Variants in HTR4 observed in about 807,000 individuals in gnomAD.
HTR4 encodes 5-hydroxytryptamine (serotonin) receptor 4, G protein-coupled.
A neutral mutation model predicts 36.8 loss-of-function variants in HTR4; 16 were observed. The observed-to-expected ratio is 0.43, with a 90% CI of 0.29 to 0.66. The LOEUF (loss-of-function observed/expected upper bound fraction) is 0.66. Ranked by LOEUF, HTR4 falls within the 30% of genes least tolerant of loss-of-function variation. HTR4 has a pLI of 0.13. For synonymous variants in HTR4, 189 were observed against 185.1 expected (o/e 1.02, Z -0.17); for missense variants, 438 against 490.9 (o/e 0.89, Z 1.02).
intron 2 of HTR4, among the ~76,000 whole-genome samples, chr5:148,585,557 A>G (rs2127252115): frequency 6.6e-6 from 1 of 152,298 alleles, no homozygotes; most frequent in South Asian, 2.1e-4. Context: ...TTTATCTTAT[A>G]GTGGGGGCAT....
At chr5:148,475,929 G>A (rs907631280), downstream of HTR4, among the ~76,000 whole-genome samples, 1 of 152,224 alleles carries the variant, frequency 6.6e-6, no homozygotes, top group Admixed American at 6.5e-5. Flanking sequence ...ACTTGCTTGT[G>A]TCACACATTC....
intron 2 of HTR4, chr5:148,628,456 G>C (rs1039220189): frequency 6.6e-6 from 1 of 152,174 alleles, no homozygotes; most frequent in South Asian, 2.1e-4. Context: ...ACAGTGATTT[G>C]ATATTTTCCT....
rs548825582 is a variant in HTR4, at chr5:148,576,798, G to A, written c.27-26536C>T. Among the ~76,000 whole-genome samples, 3 of 152,086 alleles carry A rather than the reference G, an allele frequency of 2.0e-5. No individual in the cohort carries two copies. The South Asian group carries it at 6.2e-4, about 32-fold the overall frequency. The stretch of plus-strand genomic sequence containing the variant: ...AAGATTGAAGCTGGACTGCTTTCTT[G>A]TACCACATACAAAAATCAGCTCAAG... On this transcript the variant is annotated intron_variant, in intron 2 of 6. Coordinates refer to ENST00000377888, the MANE Select transcript of HTR4 (RefSeq NM_000870.7).
At chr5:148,518,348 G>A (rs1011422032) in intron 5 of HTR4, among the ~76,000 whole-genome samples, 7 of 152,114 alleles carry the variant, frequency 4.6e-5, no homozygotes, top group African/African-American at 1.7e-4. Flanking sequence ...TGTACCCTAA[G>A]CGCCTGAATT....
In HTR4 at chr5:148,620,000, A is replaced by C. The variant is rs763594709; in HGVS notation, c.26+16989T>G. The stretch of plus-strand genomic sequence containing the variant: ...AAATAGCCAGGGTACAAGAACAGAC[A>C]ATAGACAAGCCGAGTTTGAGAAACT... On this transcript the variant is annotated intron_variant, in intron 2 of 6. Coordinates refer to ENST00000377888, the MANE Select transcript of HTR4 (RefSeq NM_000870.7). 2.6e-5 allele frequency among the ~76,000 whole-genome samples: 4 copies of C among 152,324 alleles called. No individual in the cohort carries two copies. The Middle Eastern group carries it at 0.01, about 389-fold the overall frequency.
At chr5:148,643,777 T>C (rs1338963171) in intron 1 of HTR4, among the ~76,000 whole-genome samples, 2 of 152,030 alleles carry the variant, frequency 1.3e-5, no homozygotes, top group African/African-American at 2.4e-5. Flanking sequence ...AACTGTGAGG[T>C]AGATCATTTC....
intron 2 of HTR4, among the ~76,000 whole-genome samples, chr5:148,630,970 T>C (rs1315099209): frequency 1.3e-5 from 2 of 152,172 alleles, no homozygotes; most frequent in Non-Finnish European, 2.9e-5. Flanking sequence ...GTAGTTGAAG[T>C]TCTGTTAGGA....
At chr5:148,536,653 A>G (rs919205594) in intron 4 of HTR4, among the ~76,000 whole-genome samples, 1 of 152,238 alleles carries the variant, frequency 6.6e-6, no homozygotes, top group Admixed American at 6.5e-5. Context: ...GAAGGGCATT[A>G]CATAATTGCA....
chr5:148,653,676 C>A (rs1754105367), intron 1 of HTR4, among the ~76,000 whole-genome samples: 1 of 152,088 alleles, frequency 6.6e-6, no homozygotes, highest in Non-Finnish European at 1.5e-5. Flanking sequence ...AGAGTCCACA[C>A]ACACATCCAG....
intron 5 of HTR4, among the ~76,000 whole-genome samples, chr5:148,469,562 C>T (rs1262234693): frequency 6.6e-6 from 1 of 152,188 alleles, no homozygotes; most frequent in Non-Finnish European, 1.5e-5. Flanking sequence ...GCCAGCTCTG[C>T]AGCATAAACA....
chr5:148,567,497 T>C (rs901903343), intron 2 of HTR4, among the ~76,000 whole-genome samples: 32 of 152,146 alleles, frequency 2.1e-4, no homozygotes, highest in African/African-American at 7.7e-4. Context: ...TCATGCAGAA[T>C]ATCCCAAGTT....
At chr5:148,649,256 G>C (rs1191065838) in intron 1 of HTR4, among the ~76,000 whole-genome samples, 1 of 149,140 alleles carries the variant, frequency 6.7e-6, no homozygotes, top group Non-Finnish European at 1.5e-5. Flanking sequence ...TTGCTTGGAT[G>C]GGGAATGTGT....
At chr5:148,556,561 A>G (rs987876364) in intron 2 of HTR4, among the ~76,000 whole-genome samples, 1 of 152,242 alleles carries the variant, frequency 6.6e-6, no homozygotes, top group Non-Finnish European at 1.5e-5. Flanking sequence ...CATGGGGTTC[A>G]TAGTATGGAT....
chr5:148,602,652 G>A (rs1762040250), intron 2 of HTR4, among the ~76,000 whole-genome samples: 1 of 152,112 alleles, frequency 6.6e-6, no homozygotes, highest in African/African-American at 2.4e-5. Context: ...AGGCTAAGCA[G>A]ATGTTAATTA....
At chr5:148,455,789 TTATAA>T (rs1466040855) in intron 5 of HTR4, among the ~76,000 whole-genome samples, 1 of 152,312 alleles carries the variant, frequency 6.6e-6, no homozygotes, top group East Asian at 1.9e-4. Flanking sequence ...TATTTTGTAC[TTATAA>T]TAAAGTAAGC....
chr5:148,611,218 A>T (rs1399918288), intron 2 of HTR4, among the ~76,000 whole-genome samples: 2 of 147,628 alleles, frequency 1.4e-5, no homozygotes, highest in Admixed American at 6.7e-5. Flanking sequence ...TCCAAGACAC[A>T]TAATTGTCAG....
intron 5 of HTR4, among the ~76,000 whole-genome samples, chr5:148,515,817 G>T (rs1285209346): frequency 6.6e-6 from 1 of 151,466 alleles, no homozygotes; most frequent in Non-Finnish European, 1.5e-5. Context: ...AACCTGCTGG[G>T]GTTTTGTAGA....
rs1020383752 is a variant in HTR4, at chr5:148,501,040, T to A, written c.1076+8416A>T. Among the ~76,000 whole-genome samples, 5 of 152,260 alleles carry A rather than the reference T, an allele frequency of 3.3e-5. No individual in the cohort carries two copies. The East Asian group carries it at 9.7e-4, about 29-fold the overall frequency. On this transcript the variant is annotated intron_variant, in intron 6 of 6. Transcript: ENST00000377888. The stretch of plus-strand genomic sequence containing the variant: ...ATACTAGCACATGCACCAAGAAATG[T>A]GTTCAAGGGCATTACAAACAGTACA...
At chr5:148,608,818 C>T (rs1752288450) in intron 2 of HTR4, among the ~76,000 whole-genome samples, 1 of 152,134 alleles carries the variant, frequency 6.6e-6, no homozygotes, top group Non-Finnish European at 1.5e-5. Context: ...CTAAATCAAG[C>T]CATTGTCAGA....
Sources: gnomAD v4.1 joint callset for allele counts (sites outside exome capture counted in the v4.1 genomes callset) on GRCh38, gnomAD v4.1.1 for gene constraint, MANE v1.5 for transcripts, NCBI Gene and HGNC (gene_info 2026-07-23, HGNC 2026-07-21) for gene names.